Variants in IGSF5 observed in about 807,000 individuals in gnomAD.
The protein encoded by IGSF5 is immunoglobulin superfamily 5 like.
A neutral mutation model predicts 39.4 loss-of-function variants in IGSF5; 41 were observed. That is an observed-to-expected ratio of 1.04 (90% CI 0.81 to 1.35). The LOEUF (loss-of-function observed/expected upper bound fraction) is 1.35. Among genes scored for constraint, IGSF5 ranks in the 40% most tolerant of loss-of-function variants. The pLI is 0.00. For synonymous variants in IGSF5, 183 were observed against 175.3 expected, an observed-to-expected ratio of 1.04 and a Z score of -0.34; for missense variants, 487 against 494.6, an observed-to-expected ratio of 0.98 and a Z score of 0.15.
At chr21:39,754,659 CTT>C (rs1276764175) in intron 2 of IGSF5, among the ~76,000 whole-genome samples, 3 of 152,098 alleles carry the variant, frequency 2.0e-5, no homozygotes, top group Non-Finnish European at 4.4e-5. Flanking sequence ...AGACTAAAGA[CTT>C]TAAGAATAAA....
At chr21:39,796,896 G>T (rs1601145037) in intron 8 of IGSF5, among the ~76,000 whole-genome samples, 1 of 152,208 alleles carries the variant, frequency 6.6e-6, no homozygotes, top group East Asian at 1.9e-4. Context: ...AGCAACTAAA[G>T]CTCCTGCTTT....
chr21:39,791,628 A>G, intron 6 of IGSF5: 1 of 174,346 alleles, frequency 5.7e-6, no homozygotes, highest in Non-Finnish European at 1.2e-5. Flanking sequence ...CATAGACAAT[A>G]TGTGAGCTGA....
At chr21:39,747,363 A>T (rs1234632759) in intron 2 of IGSF5, among the ~76,000 whole-genome samples, 1 of 152,194 alleles carries the variant, frequency 6.6e-6, no homozygotes, top group African/African-American at 2.4e-5. Flanking sequence ...CTCCCACAAC[A>T]GGTGGGAATT....
chr21:39,755,981 C>T (rs1277500832), intron 2 of IGSF5, among the ~76,000 whole-genome samples: 7 of 150,770 alleles, frequency 4.6e-5, no homozygotes, highest in Admixed American at 2.6e-4. Flanking sequence ...CTTCCAGCTA[C>T]TTGGGAGGCT....
chr21:39,732,859 C>T, the IGSF5 span, among the ~76,000 whole-genome samples: 2 of 151,858 alleles, frequency 1.3e-5, no homozygotes, highest in African/African-American at 4.8e-5. Flanking sequence ...AACCCTGTCT[C>T]TACTAAAAAT....
intron 2 of IGSF5, among the ~76,000 whole-genome samples, chr21:39,761,801 T>C (rs918612832): frequency 6.6e-6 from 1 of 152,142 alleles, no homozygotes; most frequent in Admixed American, 6.5e-5. Context: ...CCCAAATATC[T>C]AGGACCACAG....
chr21:39,765,384 G>A (rs1325690333), intron 2 of IGSF5, 151 bp from the exon 3 acceptor site: 1 of 663,522 alleles, frequency 1.5e-6, no homozygotes, highest in Non-Finnish European at 2.6e-6. Context: ...ATCTGCCAGG[G>A]AGAGCTGGTG....
chr21:39,771,107 G>A lies in IGSF5; in HGVS notation c.610G>A (p.Ala204Thr). ...SDLQSAVSIL[A>T]LTPQSNGTLT... ...CCTTCAAAGTGCAGTGAGCATCCTG[G>A]CTCTGACCCCACAGAGCAATGGGAC... Residue 204 changes from alanine (A) to threonine (T), a missense_variant, in exon 4 of 9, where the codon GCT (alanine) becomes ACT (threonine). By Grantham distance (58) the Ala-to-Thr change is moderately conservative. Coordinates refer to ENST00000380588, the MANE Select transcript of IGSF5 (RefSeq NM_001080444.2). The A allele has an allele frequency of 6.2e-7, 1 of 1,613,358 alleles. No individual in the cohort carries two copies. Among genetic ancestry groups the A allele is most frequent in the Non-Finnish European group, 8.5e-7 (1 of 1,179,686 alleles).
intron 5 of IGSF5, among the ~76,000 whole-genome samples, chr21:39,779,859 T>A (rs982498837): frequency 6.6e-6 from 1 of 152,122 alleles, no homozygotes; most frequent in Non-Finnish European, 1.5e-5. Context: ...GCCAAGCTCA[T>A]GGAAACAGGA....
At chr21:39,731,971 G>T in the IGSF5 span, among the ~76,000 whole-genome samples, 1 of 152,138 alleles carries the variant, frequency 6.6e-6, no homozygotes, top group African/African-American at 2.4e-5. Context: ...TTGTTTCTTG[G>T]GGCATTTGCT....
chr21:39,716,348 A>G, the IGSF5 span, among the ~76,000 whole-genome samples: 28 of 151,790 alleles, frequency 1.8e-4, no homozygotes, highest in Non-Finnish European at 3.8e-4. Flanking sequence ...TTCTTTTTTT[A>G]AAAAAATTTA....
chr21:39,748,568 C>A (rs2079987846), intron 2 of IGSF5, among the ~76,000 whole-genome samples: 1 of 151,914 alleles, frequency 6.6e-6, no homozygotes, highest in Non-Finnish European at 1.5e-5. Flanking sequence ...TTTGGCCTCT[C>A]AAGAGAACGA....
At chr21:39,758,242 C>T (rs2080042695) in intron 2 of IGSF5, among the ~76,000 whole-genome samples, 7 of 152,218 alleles carry the variant, frequency 4.6e-5, no homozygotes, top group Admixed American at 2.0e-4. Flanking sequence ...TCTTTCTCAG[C>T]CTCTTCCCAC....
intron 2 of IGSF5, among the ~76,000 whole-genome samples, chr21:39,756,795 G>A (rs1228816489): frequency 6.6e-6 from 1 of 152,098 alleles, no homozygotes; most frequent in Non-Finnish European, 1.5e-5. Context: ...GCCTCTCCTA[G>A]GGGAGAGAAA....
chr21:39,748,008 T>G (rs947001066), intron 2 of IGSF5, among the ~76,000 whole-genome samples: 7 of 152,278 alleles, frequency 4.6e-5, no homozygotes, highest in East Asian at 1.9e-4. Context: ...GATTAAATGT[T>G]CATAATTTAG....
Position 39,792,073 on chromosome 21 carries a change from A to G in IGSF5, c.1022A>G (p.Tyr341Cys), listed in dbSNP as rs1331740006. Reference sequence around the variant, plus strand: ...GAAAGTGGAAATGAAAACTCCGGCTACAATTCAGATGAACAAAAGACCACA... The same window carrying G: ...GAAAGTGGAAATGAAAACTCCGGCTGCAATTCAGATGAACAAAAGACCACA... ...ETESGNENSGYNSDEQKTTDT... is the reference protein window; with the variant it reads ...ETESGNENSGCNSDEQKTTDT... The change falls in exon 7 of 9, where the codon TAC (tyrosine) becomes TGC (cysteine). Residue 341 changes from tyrosine (Y) to cysteine (C), a missense_variant. Coordinates refer to ENST00000380588, the MANE Select transcript of IGSF5 (RefSeq NM_001080444.2). 5.0e-6 allele frequency: 8 copies of G among 1,610,662 alleles called. No individual in the cohort carries two copies. The highest frequency in any genetic ancestry group is 1.7e-5 in the Admixed American group (1 of 59,712).
At chr21:39,741,489 T>C (rs546228116), upstream of IGSF5, among the ~76,000 whole-genome samples, 24 of 152,318 alleles carry the variant, frequency 1.6e-4, 1 homozygote, top group African/African-American at 5.3e-4. Context: ...GGAAACCTTG[T>C]AGCCACAGGT....
At chr21:39,750,710 G>A (rs1734860) in intron 2 of IGSF5, among the ~76,000 whole-genome samples, 34,643 of 152,024 alleles carry the variant, frequency 0.23, 4,665 homozygotes, top group Non-Finnish European at 0.32. Flanking sequence ...CCTAATGGCT[G>A]TCTCATCCAG....
chr21:39,784,684 C>T (rs577726100), intron 5 of IGSF5, among the ~76,000 whole-genome samples: 6 of 152,080 alleles, frequency 3.9e-5, no homozygotes, highest in South Asian at 4.2e-4. Flanking sequence ...TTACAATGCC[C>T]ACCTTGCCCC....
Sources: allele counts gnomAD v4.1 joint callset (sites outside exome capture counted in the v4.1 genomes callset), GRCh38; gene constraint gnomAD v4.1.1; transcripts MANE v1.5; gene names NCBI Gene and HGNC (gene_info 2026-07-23, HGNC 2026-07-21).